Variants in RBFOX1 observed in about 807,000 individuals in gnomAD.
RBFOX1 encodes RNA binding fox-1 homolog 1.
Under a neutral mutation model 57.7 loss-of-function variants are expected in RBFOX1, and 8 were observed. The ratio of observed to expected loss-of-function variants is 0.14; its 90% CI spans 0.08 to 0.25. RBFOX1 has a LOEUF of 0.25. Among genes scored for constraint, RBFOX1 ranks in the 10% least tolerant of loss-of-function variants. The pLI, the probability that RBFOX1 is intolerant of heterozygous loss-of-function variation, is 1.00. For missense variants in RBFOX1, 611 were observed against 548.5 expected (o/e 1.11, Z -1.14); for synonymous variants, 326 against 222.4 (o/e 1.47, Z -4.15).
At chr16:5,446,575 G>A (rs1310648507) in intron 1 of RBFOX1, among the ~76,000 whole-genome samples, 1 of 152,018 alleles carries the variant, frequency 6.6e-6, no homozygotes, top group Non-Finnish European at 1.5e-5. Context: ...TTCTTCTGGT[G>A]GGCTTTAACA....
chr16:6,208,608 G>C (rs915676721), intron 1 of RBFOX1, among the ~76,000 whole-genome samples: 2 of 152,118 alleles, frequency 1.3e-5, no homozygotes, highest in Non-Finnish European at 2.9e-5. Flanking sequence ...GTCCGCTGAC[G>C]GTGTTGTGAA....
chr16:5,838,439 A>G (rs2056529097), intron 3 of RBFOX1: 1 of 156,270 alleles, frequency 6.4e-6, no homozygotes, highest in African/African-American at 2.4e-5. Context: ...AGAATGGCCC[A>G]CTGGTAAATA....
At chr16:6,632,473 T>G (rs2098397282) in intron 2 of RBFOX1, among the ~76,000 whole-genome samples, 1 of 152,218 alleles carries the variant, frequency 6.6e-6, no homozygotes, top group Admixed American at 6.5e-5. Flanking sequence ...TTACAGTATT[T>G]CCTTGGCTAA....
At chr16:7,630,527 G>T in intron 10 of RBFOX1, 76 bp from the exon 11 acceptor site, 1 of 1,593,082 alleles carries the variant, frequency 6.3e-7, no homozygotes, top group Non-Finnish European at 8.5e-7. Context: ...TGCATTTCTC[G>T]GTTGCATTGC....
At chr16:6,013,482 T>C (rs2152340702) in intron 4 of RBFOX1, among the ~76,000 whole-genome samples, 1 of 152,234 alleles carries the variant, frequency 6.6e-6, no homozygotes, top group East Asian at 1.9e-4. Flanking sequence ...TGATCATGAA[T>C]CATTGACATG....
chr16:7,062,323 AAAAAAAAAAAAAAAAG>A (rs1244125244), intron 4 of RBFOX1, among the ~76,000 whole-genome samples: 1 of 147,628 alleles, frequency 6.8e-6, no homozygotes, highest in Non-Finnish European at 1.5e-5. Flanking sequence ...ATCTCAAAAA[AAAAAAAAAAAAAAAAG>A]AAAAGAAAAA....
chr16:6,852,572 G>A (rs1374100885), intron 3 of RBFOX1, among the ~76,000 whole-genome samples: 1 of 152,216 alleles, frequency 6.6e-6, no homozygotes, highest in Non-Finnish European at 1.5e-5. Context: ...AGCTGTCCAG[G>A]AAAGGTGCAT....
intron 2 of RBFOX1, among the ~76,000 whole-genome samples, chr16:5,522,933 A>C (rs2044077654): frequency 1.3e-5 from 2 of 152,062 alleles, no homozygotes; most frequent in Admixed American, 1.3e-4. Context: ...TTCTATATTC[A>C]TCCATCCATT....
chr16:5,879,662 A>G (rs929852844), intron 4 of RBFOX1, among the ~76,000 whole-genome samples: 73 of 152,208 alleles, frequency 4.8e-4, no homozygotes, highest in African/African-American at 1.7e-3. Flanking sequence ...ATTAGTCAGG[A>G]GAGGCTAAGC....
chr16:6,930,885 C>G (rs2076394558), intron 3 of RBFOX1, among the ~76,000 whole-genome samples: 1 of 151,864 alleles, frequency 6.6e-6, no homozygotes, highest in Non-Finnish European at 1.5e-5. Flanking sequence ...TATCCAATAC[C>G]CCTGCCCCCT....
intron 1 of RBFOX1, among the ~76,000 whole-genome samples, chr16:6,250,862 G>A (rs1464806753): frequency 6.6e-6 from 1 of 152,196 alleles, no homozygotes; most frequent in Admixed American, 6.5e-5. Flanking sequence ...CCAAGTGAGA[G>A]TGGTTTTTGG....
At chr16:5,709,822 T>C (rs1331862681) in intron 3 of RBFOX1, among the ~76,000 whole-genome samples, 1 of 12,410 alleles carries the variant, frequency 8.1e-5, no homozygotes, top group African/African-American at 2.9e-4. Flanking sequence ...TATATATATA[T>C]ATATATATAT....
At chr16:5,550,112 C>T (rs1203664078) in intron 2 of RBFOX1, among the ~76,000 whole-genome samples, 2 of 152,176 alleles carry the variant, frequency 1.3e-5, no homozygotes, top group East Asian at 1.9e-4. Flanking sequence ...ATATCAGTTA[C>T]ACTGGAACAA....
intron 14 of RBFOX1, among the ~76,000 whole-genome samples, chr16:7,697,187 A>G (rs2079064170): frequency 6.6e-6 from 1 of 152,104 alleles, no homozygotes; most frequent in Non-Finnish European, 1.5e-5. Flanking sequence ...AGCTGTCCAG[A>G]GAGGGGTGAC....
intron 3 of RBFOX1, among the ~76,000 whole-genome samples, chr16:5,690,523 C>T (rs549837066): frequency 1.3e-5 from 2 of 151,970 alleles, no homozygotes; most frequent in African/African-American, 4.8e-5. Flanking sequence ...TGGAGGCACT[C>T]AGTCCATACA....
chr16:6,514,713 G>T (rs531302777), intron 2 of RBFOX1, among the ~76,000 whole-genome samples: 1 of 152,116 alleles, frequency 6.6e-6, no homozygotes, highest in East Asian at 1.9e-4. Context: ...CTCCTCCATA[G>T]TCATGAAGTT....
Position 7,687,669 on chromosome 16 carries a change from A to G in RBFOX1, c.995+10831A>G, listed in dbSNP as rs566228402. Among the ~76,000 whole-genome samples the G allele has an allele frequency of 4.6e-5, 7 of 152,218 alleles. No individual in the cohort carries two copies. The East Asian group carries it at 1.4e-3, about 29-fold the overall frequency. ...GACTTTCCACCTTAATTTTACATGTAAAAAAGGAAGCAACCTGGTAAGCAT... is the reference window on the plus strand; with the variant it reads ...GACTTTCCACCTTAATTTTACATGTGAAAAAGGAAGCAACCTGGTAAGCAT... On this transcript the variant is annotated intron_variant, in intron 14 of 15. Coordinates refer to ENST00000550418, the MANE Select transcript of RBFOX1 (RefSeq NM_018723.4).
chr16:5,579,255 A>T (rs1469987623), intron 2 of RBFOX1, among the ~76,000 whole-genome samples: 6 of 152,110 alleles, frequency 3.9e-5, no homozygotes, highest in Non-Finnish European at 2.9e-5. Flanking sequence ...GTAGCCAGAC[A>T]GGTGCTTATG....
At chr16:6,031,782 C>G (rs1260430012) in intron 1 of RBFOX1, among the ~76,000 whole-genome samples, 1 of 152,218 alleles carries the variant, frequency 6.6e-6, no homozygotes, top group African/African-American at 2.4e-5. Flanking sequence ...ACGCTGCTTA[C>G]AGCATGTGCA....
Sources: gnomAD v4.1 joint callset for allele counts (sites outside exome capture counted in the v4.1 genomes callset) on GRCh38, gnomAD v4.1.1 for gene constraint, MANE v1.5 for transcripts, NCBI Gene and HGNC (gene_info 2026-07-23, HGNC 2026-07-21) for gene names.